NLRP8: variants seen among roughly 807,000 people sequenced by gnomAD.
NLRP8 encodes the protein NACHT, LRR and PYD domains-containing protein 8.
A neutral mutation model predicts 88.7 loss-of-function variants in NLRP8; 86 were observed. That is an observed-to-expected ratio of 0.97 (90% confidence interval 0.81 to 1.16). The LOEUF is 1.16. Ranked by LOEUF, NLRP8 falls within the 50% of genes most tolerant of loss-of-function variation. The pLI is 0.00. For missense variants in NLRP8, 1,342 were observed against 1,286.5 expected, an observed-to-expected ratio of 1.04 and a Z score of -0.66; for synonymous variants, 504 against 494.6, an observed-to-expected ratio of 1.02 and a Z score of -0.25.
chr19:55,976,239 G>A lies in NLRP8; in HGVS notation c.2812G>A (p.Asp938Asn), dbSNP rs1235881007. Reference sequence around the variant, plus strand: ...TGACCTAAGTTTTAATAGCCTGAAGGATGATGGGGTGATCCTGCTGTGTGA... The same window carrying A: ...TGACCTAAGTTTTAATAGCCTGAAGAATGATGGGGTGATCCTGCTGTGTGA... The change falls in exon 8 of 10, where the codon GAT becomes AAT. Residue 938 changes from aspartate (D) to asparagine (N), a missense_variant. Transcript: ENST00000291971. 4 of 1,613,730 alleles carry A rather than the reference G, an allele frequency of 2.5e-6. No individual in the cohort carries two copies. The African/African-American group carries it at 5.3e-5, about 22-fold the overall frequency.
chr19:55,950,668 T>G (rs903749606), intron 1 of NLRP8, among the ~76,000 whole-genome samples: 10 of 152,178 alleles, frequency 6.6e-5, no homozygotes, highest in African/African-American at 2.4e-4. Flanking sequence ...CGTAAGCCAG[T>G]GTCATTTCCA....
intron 3 of NLRP8, among the ~76,000 whole-genome samples, chr19:55,958,856 C>T (rs1402158443): frequency 6.8e-6 from 1 of 146,752 alleles, no homozygotes; most frequent in South Asian, 2.2e-4. Flanking sequence ...CAGCCAGGGC[C>T]TATTTTTTGT....
At position 55,966,274 on chromosome 19, in the gene NLRP8, C is replaced by G. The variant is rs1265275334; in HGVS notation, c.2275C>G (p.Gln759Glu). Residue 759 changes from glutamine to glutamate, a missense_variant, in exon 5 of 10, where the codon CAG becomes GAG. Physicochemically the swap from Gln to Glu is conservative, Grantham distance 29 (BLOSUM62 2). Transcript: ENST00000291971. ...CTTAATCGGTGTTTTGACGGGGAAC[C>G]AGCATCTGAGATACTTGGAAATACA... 1.2e-6 allele frequency: 2 copies of G among 1,613,992 alleles called. No individual in the cohort carries two copies. Among genetic ancestry groups the G allele is most frequent in the South Asian group, 1.1e-5 (1 of 91,086 alleles).
intron 5 of NLRP8, among the ~76,000 whole-genome samples, chr19:55,968,790 G>T (rs1172582144): frequency 3.3e-5 from 5 of 152,158 alleles, no homozygotes; most frequent in Non-Finnish European, 5.9e-5. Flanking sequence ...AAACATTCTT[G>T]GTTGATATGC....
intron 8 of NLRP8, among the ~76,000 whole-genome samples, chr19:55,977,781 C>A (rs1381778742): frequency 1.3e-5 from 2 of 151,718 alleles, no homozygotes; most frequent in Non-Finnish European, 2.9e-5. Context: ...TTAGCATAGT[C>A]TTGGTATTTA....
At position 55,952,561 on chromosome 19, in the gene NLRP8, G is replaced by C. The variant is rs1419424396; in HGVS notation, c.391G>C (p.Glu131Gln). The change falls in exon 2 of 10, where the codon GAG becomes CAG. Residue 131 changes from glutamate to glutamine, a missense_variant. By Grantham distance (29) the Glu-to-Gln change is conservative. Coordinates refer to ENST00000291971, the MANE Select transcript of NLRP8 (RefSeq NM_176811.2). ...AGCCATTCTGCCTACCTTGGAACCA[G>C]AGGACTTGAATGTGGGAGAAACACA... is the stretch of plus-strand genomic sequence containing the variant. The C allele has an allele frequency of 6.2e-7, 1 of 1,614,048 alleles. No homozygotes were observed. The highest frequency in any genetic ancestry group is 1.7e-5 in the Admixed American group (1 of 60,014).
chr19:55,979,266 C>A (rs902100762), intron 8 of NLRP8, 128 bp from the exon 9 acceptor site: 1 of 1,012,692 alleles, frequency 9.9e-7, no homozygotes, highest in East Asian at 2.4e-5. Flanking sequence ...GGTGAATAGA[C>A]CATAGTTGGA....
At position 55,951,532 on chromosome 19, in the gene NLRP8, A is replaced by G. The variant is rs1009742419; in HGVS notation, c.368-1006A>G. ...TACACATATGTGCACACATACATAG[A>G]TATTAAGCTAGAAGTTCCTTGGTAT... On this transcript the variant is annotated intron_variant, in intron 1 of 9. Coordinates refer to ENST00000291971, the MANE Select transcript of NLRP8 (RefSeq NM_176811.2). Among the ~76,000 whole-genome samples the G allele has an allele frequency of 3.3e-5, 5 of 152,340 alleles. No homozygotes were observed. The South Asian group carries it at 1.0e-3, about 32-fold the overall frequency.
rs1339626124 is a variant in NLRP8, at chr19:55,988,440, GTGTGTATATATATATATATA to G, written c.*529_*548del. The G allele has an allele frequency of 3.0e-5, 3 of 100,554 alleles. No homozygotes were observed. Among genetic ancestry groups the G allele is most frequent in the African/African-American group, 1.2e-4 (3 of 24,424 alleles). The allele number at this position is 100,554 out of a possible 1,614,324, so 6.2% of individuals were successfully genotyped here. ...TATACACATAAATATATATATGTGT[GTGTGTATATATATATATATA>G]TATATATATGCTATATAAAGTTTAA... On this transcript the variant is annotated 3_prime_UTR_variant, in exon 10 of 10. Transcript: ENST00000291971.
At position 55,954,605 on chromosome 19, in the gene NLRP8, C is replaced by G. The variant is rs752524675; in HGVS notation, c.547C>G (p.His183Asp). ...GAGGGACTTCTTCTACCAAGGTGTA[C>G]ACAGGCACGAGGAGTACTTACCATG... is the stretch of plus-strand genomic sequence containing the variant. Residue 183 changes from histidine to aspartate, a missense_variant, in exon 3 of 10, where the codon CAC (histidine) becomes GAC (aspartate). His to Asp is a moderately conservative substitution (Grantham distance 81). Coordinates refer to ENST00000291971, the MANE Select transcript of NLRP8 (RefSeq NM_176811.2). 8.2e-5 allele frequency: 132 copies of G among 1,614,062 alleles called. No individual in the cohort carries two copies. The highest frequency in any genetic ancestry group is 1.1e-4 in the Non-Finnish European group (130 of 1,180,058).
chr19:55,958,094 G>A lies in NLRP8; in HGVS notation c.2042+1994G>A, dbSNP rs139775726. Among the ~76,000 whole-genome samples, 6 of 152,180 alleles carry A rather than the reference G, an allele frequency of 3.9e-5. No individual in the cohort carries two copies. The East Asian group carries it at 5.8e-4, about 15-fold the overall frequency. On this transcript the variant is annotated intron_variant, in intron 3 of 9. Coordinates refer to ENST00000291971, the MANE Select transcript of NLRP8 (RefSeq NM_176811.2). ...TCACACATCTGGTCGAAGCTAAGAC[G>A]AGCTAAAATTTGACCCCCGTGGCTA...
intron 5 of NLRP8, among the ~76,000 whole-genome samples, chr19:55,966,945 A>T (rs1270563360): frequency 6.6e-6 from 1 of 152,226 alleles, no homozygotes; most frequent in Non-Finnish European, 1.5e-5. Flanking sequence ...AATTTTTGTG[A>T]ATACATAGTA....
chr19:55,987,788 A>G (rs748541639), intron 9 of NLRP8: 3 of 1,560,014 alleles, frequency 1.9e-6, no homozygotes, highest in Admixed American at 1.7e-5. Flanking sequence ...AACCTCAACC[A>G]GCAGCCTTCC....
Position 55,988,212 on chromosome 19 carries a change from T to G in NLRP8, c.*299T>G. ...TTCCAGACCAGCCTGGCCAACATGG[T>G]GAAACCCCGCCTCTACTAAAAAAAA... On this transcript the variant is annotated 3_prime_UTR_variant, in exon 10 of 10. Transcript: ENST00000291971. The G allele has an allele frequency of 5.6e-6, 1 of 179,110 alleles. No individual in the cohort carries two copies. The highest frequency in any genetic ancestry group is 1.1e-5 in the Non-Finnish European group (1 of 87,244). The allele number at this position is 179,110 out of a possible 1,614,324, so 11.1% of individuals were successfully genotyped here. A position where few individuals can be genotyped will look rare whatever the true frequency, so the allele number is the denominator to read the frequency against.
At position 55,948,123 on chromosome 19, in the gene NLRP8, A is replaced by G. The variant is rs1475298349; in HGVS notation, c.221A>G (p.Asp74Gly). ...ACTGGCACCATGCCCATCACCTGGGACCAGGTCGAGACAGCCAGCTGGGCA... is the reference window on the plus strand; with the variant it reads ...ACTGGCACCATGCCCATCACCTGGGGCCAGGTCGAGACAGCCAGCTGGGCA... Residue 74 changes from aspartate (D) to glycine (G), a missense_variant, in exon 1 of 10, where the codon GAC becomes GGC. Coordinates refer to ENST00000291971, the MANE Select transcript of NLRP8 (RefSeq NM_176811.2). The G allele has an allele frequency of 6.2e-7, 1 of 1,614,150 alleles. No homozygotes were observed. The highest frequency in any genetic ancestry group is 1.1e-5 in the South Asian group (1 of 91,074).
chr19:55,979,439 T>A lies in NLRP8; in HGVS notation c.2922T>A (p.Ala974=). ...CCTCCATCTGCTGCCAGGCCATGGC[T>A]TCCATGCTCCGCAAAAACCAACATC... The change falls in exon 9 of 10, where the codon GCT becomes GCA. Residue 974 remains alanine (A), a synonymous_variant. Transcript: ENST00000291971. 1 of 1,614,186 alleles carries A rather than the reference T, an allele frequency of 6.2e-7. No homozygotes were observed. Among genetic ancestry groups the A allele is most frequent in the Non-Finnish European group, 8.5e-7 (1 of 1,180,038 alleles).
intron 6 of NLRP8, among the ~76,000 whole-genome samples, chr19:55,971,045 AT>A (rs1568465866): frequency 1.3e-5 from 2 of 152,064 alleles, no homozygotes; most frequent in Non-Finnish European, 2.9e-5. Flanking sequence ...GTGATGACAT[AT>A]TGAATCAGGT....
chr19:55,971,749 TG>T (rs2123214628), intron 6 of NLRP8, among the ~76,000 whole-genome samples: 1 of 152,268 alleles, frequency 6.6e-6, no homozygotes, highest in Non-Finnish European at 1.5e-5. Flanking sequence ...TTAGTAGGTT[TG>T]TTTCCAGAGT....
intron 9 of NLRP8, among the ~76,000 whole-genome samples, chr19:55,987,255 A>G (rs1980890549): frequency 6.6e-6 from 1 of 152,168 alleles, no homozygotes; most frequent in Non-Finnish European, 1.5e-5. Context: ...CTATAATCCC[A>G]CCTTCTAGGG....
Sources: allele counts gnomAD v4.1 joint callset (sites outside exome capture counted in the v4.1 genomes callset), GRCh38; gene constraint gnomAD v4.1.1; transcripts MANE v1.5; gene names NCBI Gene and HGNC (gene_info 2026-07-23, HGNC 2026-07-21).